Variants in ZNF320 observed in about 807,000 individuals in gnomAD.
ZNF320 encodes the protein zinc finger protein 320.
A neutral mutation model predicts 6.8 loss-of-function variants in ZNF320; 2 were observed. The ratio of observed to expected loss-of-function variants is 0.29; its 90% CI spans 0.12 to 0.93. ZNF320 has a LOEUF of 0.93. Ranked by LOEUF, ZNF320 falls within the 40% of genes least tolerant of loss-of-function variation. The probability of loss-of-function intolerance (pLI) is 0.55; values close to 1 mark genes in which losing one functional copy is unlikely to be tolerated. For missense variants in ZNF320, 472 were observed against 611.0 expected (o/e 0.77, Z 2.40); for synonymous variants, 208 against 203.2 (o/e 1.02, Z -0.20).
At chr19:52,882,555 A>G (rs1305224499) in intron 5 of ZNF320, among the ~76,000 whole-genome samples, 1 of 152,190 alleles carries the variant, frequency 6.6e-6, no homozygotes, top group Non-Finnish European at 1.5e-5. Context: ...GCTTAGGCAC[A>G]AGAATTGATT....
chr19:52,882,067 A>C (rs184513423), intron 5 of ZNF320, 84 bp from the exon 6 acceptor site: 5 of 1,317,440 alleles, frequency 3.8e-6, no homozygotes, highest in Admixed American at 2.5e-5. Flanking sequence ...CACACACACA[A>C]AAATACTTAT....
chr19:52,891,370 A>C (rs2064284479), intron 2 of ZNF320, 24 bp from the exon 3 acceptor site: 1 of 151,914 alleles, frequency 6.6e-6, no homozygotes, highest in African/African-American at 2.4e-5. Context: ...AGAAAAAAAA[A>C]AGCGTTTCTG....
intron 5 of ZNF320, among the ~76,000 whole-genome samples, chr19:52,869,352 G>T (rs1421980628): frequency 1.3e-5 from 2 of 152,022 alleles, no homozygotes; most frequent in Non-Finnish European, 2.9e-5. Flanking sequence ...AATATACCAA[G>T]TATAGATTCC....
chr19:52,861,983 A>AGACCTTGCC, exon 6 of ZNF320: 1 of 368,290 alleles, frequency 2.7e-6, no homozygotes, highest in Non-Finnish European at 5.5e-6. Context: ...GCTTGACTGA[A>AGACCTTGCC]GACCTTGCCT....
downstream of ZNF320, among the ~76,000 whole-genome samples, chr19:52,875,197 A>G (rs2063743480): frequency 6.6e-6 from 1 of 152,230 alleles, no homozygotes; most frequent in Non-Finnish European, 1.5e-5. Flanking sequence ...CCAGAAATAC[A>G]CTGTCACCCT....
chr19:52,900,327 ATT>A (rs1193990435), upstream of ZNF320, among the ~76,000 whole-genome samples: 1 of 152,076 alleles, frequency 6.6e-6, no homozygotes, highest in African/African-American at 2.4e-5. Flanking sequence ...TGATGAGTGA[ATT>A]TTTTTCTTTC....
intron 5 of ZNF320, among the ~76,000 whole-genome samples, chr19:52,885,865 C>T (rs34439769): frequency 0.16 from 23,693 of 152,036 alleles, 1,937 homozygotes; most frequent in East Asian, 0.27. Context: ...GATTGCAGCA[C>T]TGCACTTCAG....
chr19:52,861,749 T>C lies in ZNF320; in HGVS notation c.*2280A>G, dbSNP rs183969094. On this transcript the variant is annotated 3_prime_UTR_variant, in exon 6 of 6. Coordinates refer to the ZNF320 transcript ENST00000673631. ...AATGCTTGATGGTTTGCTATACTCA[T>C]TGCCTGTGCATCAATTATCTCAAAA... 925 of 332,572 alleles carry C rather than the reference T, an allele frequency of 2.8e-3. 10 individuals carry two copies. Among genetic ancestry groups the C allele is most frequent in the African/African-American group, 0.019 (868 of 45,498 alleles). 20.6% of individuals were successfully genotyped at this position (332,572 alleles called of 1,614,324 possible).
intron 5 of ZNF320, chr19:52,883,558 C>T (rs1030223697): frequency 2.0e-5 from 9 of 449,020 alleles, no homozygotes; most frequent in Non-Finnish European, 3.6e-5. Flanking sequence ...AAAATCACTA[C>T]CTTCTGAAGT....
chr19:52,883,595 A>G (rs150352295), intron 5 of ZNF320: 1 of 455,586 alleles, frequency 2.2e-6, no homozygotes, highest in East Asian at 7.0e-5. Context: ...ACACAGAATT[A>G]TAAGGAATAA....
At chr19:52,861,212 A>G (rs971232902) in exon 6 of ZNF320, among the ~76,000 whole-genome samples, 1 of 152,202 alleles carries the variant, frequency 6.6e-6, no homozygotes, top group Non-Finnish European at 1.5e-5. Context: ...GAATTTCCAT[A>G]CATTAACAAT....
chr19:52,865,701 A>ATTTATATATGATTATACACATATT (rs2063544893), intron 5 of ZNF320, among the ~76,000 whole-genome samples: 2 of 129,652 alleles, frequency 1.5e-5, no homozygotes, highest in Non-Finnish European at 3.1e-5. Context: ...TTATACATAT[A>ATTTATATATGATTATACACATATT]TTTATATATG....
intron 1 of ZNF320, among the ~76,000 whole-genome samples, chr19:52,894,615 T>A (rs1729071254): frequency 6.6e-6 from 1 of 152,212 alleles, no homozygotes; most frequent in Non-Finnish European, 1.5e-5. Context: ...GGCTCACGCC[T>A]GTAATCCTAG....
Position 52,881,898 on chromosome 19 carries a change from T to C in ZNF320, c.228A>G (p.Arg76=), listed in dbSNP as rs1050131264. 1.5e-5 allele frequency: 24 copies of C among 1,613,518 alleles called. No homozygotes were observed. Among genetic ancestry groups the C allele is most frequent in the Non-Finnish European group, 2.0e-5 (24 of 1,179,666 alleles). ...TEVIHTGTLQ[R]QASYHIGAFC... Reference sequence around the variant, plus strand: ...ATGCTCCAATGTGATAACTTGCTTGTCTCTGCAATGTCCCTGTGTGGATCA... The same window carrying C: ...ATGCTCCAATGTGATAACTTGCTTGCCTCTGCAATGTCCCTGTGTGGATCA... Residue 76 remains arginine, a synonymous_variant, in exon 6 of 6, where the codon AGA becomes AGG. Transcript: ENST00000682928.
rs2063887848 is a variant in ZNF320 at position 52,880,693 on chromosome 19, A to G, written c.1433T>C (p.Phe478Ser). 2 of 1,613,818 alleles carry G rather than the reference A, an allele frequency of 1.2e-6. No individual in the cohort carries two copies. The highest frequency in any genetic ancestry group is 8.5e-7 in the Non-Finnish European group (1 of 1,179,864). Residue 478 changes from phenylalanine (F) to serine (S), a missense_variant, in exon 6 of 6, where the codon TTT becomes TCT. Physicochemically the swap from Phe to Ser is radical, Grantham distance 155. Transcript: ENST00000682928. Reference protein sequence around the residue: ...SYKCHQCGKVFSLRSLLAEHQ... With the variant: ...SYKCHQCGKVSSLRSLLAEHQ... ...TTCTGCAAGGAGTGACCTCAGACTA[A>G]AGACCTTGCCACACTGATGACATTT...
Position 52,894,744 on chromosome 19 carries a change from T to C in ZNF320, c.-269-888A>G, listed in dbSNP as rs111929407. On this transcript the variant is annotated intron_variant, in intron 1 of 5. Transcript: ENST00000682928. Reference sequence around the variant, plus strand: ...AAAATTAGCCTGGCATGGTGGTGTGTGCCTGTAATCCCAGCTACTCGGGAG... The same window carrying C: ...AAAATTAGCCTGGCATGGTGGTGTGCGCCTGTAATCCCAGCTACTCGGGAG... 8.4e-3 allele frequency: 1,272 copies of C among 152,102 alleles called. 8 individuals are homozygous for C. The highest frequency in any genetic ancestry group is 0.014 in the Non-Finnish European group (951 of 68,056). 9.4% of individuals were successfully genotyped at this position (152,102 alleles called of 1,614,324 possible).
rs1239433339 is a variant in ZNF320, at chr19:52,879,139, T to C, written c.*1457A>G. 6.6e-6 allele frequency: 1 copy of C among 152,278 alleles called. No individual in the cohort carries two copies. Among genetic ancestry groups the C allele is most frequent in the Non-Finnish European group, 1.5e-5 (1 of 68,068 alleles). 9.4% of individuals were successfully genotyped at this position (152,278 alleles called of 1,614,324 possible). On this transcript the variant is annotated 3_prime_UTR_variant, in exon 6 of 6. Coordinates refer to ENST00000682928, the MANE Select transcript of ZNF320 (RefSeq NM_001351774.2). ...ATAACGGATTTGTATCAGTTTATCT[T>C]GGTGCAAAAAATGTGATATCATGCA...
At chr19:52,892,503 C>A (rs1483664871) in intron 2 of ZNF320, among the ~76,000 whole-genome samples, 1 of 152,086 alleles carries the variant, frequency 6.6e-6, no homozygotes, top group Non-Finnish European at 1.5e-5. Context: ...GTAATCCCAG[C>A]ACTTTGGGAG....
Position 52,880,955 on chromosome 19 carries a change from C to A in ZNF320, c.1171G>T (p.Gly391Cys), listed in dbSNP as rs1487169513. The A allele has an allele frequency of 6.2e-7, 1 of 1,613,386 alleles. No individual in the cohort carries two copies. The highest frequency in any genetic ancestry group is 8.5e-7 in the Non-Finnish European group (1 of 1,179,586). The change falls in exon 6 of 6, where the codon GGC becomes TGC. Residue 391 changes from glycine (G) to cysteine (C), a missense_variant. By Grantham distance (159) the Gly-to-Cys change is radical. Transcript: ENST00000682928. ...GERPYTCNEC[G>C]KVFSTKAYLA... ...TACGCTTTTGTACTAAAAACCTTGCCACATTCATTACATGTGTAAGGTCTC... is the reference window on the plus strand; with the variant it reads ...TACGCTTTTGTACTAAAAACCTTGCAACATTCATTACATGTGTAAGGTCTC...
Sources: gnomAD v4.1 joint callset for allele counts (sites outside exome capture counted in the v4.1 genomes callset) on GRCh38, gnomAD v4.1.1 for gene constraint, MANE v1.5 for transcripts, NCBI Gene and HGNC (gene_info 2026-07-23, HGNC 2026-07-21) for gene names.